Variants in DLG2 observed in about 807,000 individuals in gnomAD.
The protein encoded by DLG2 is disks large homolog 2.
DLG2 carries 45 observed loss-of-function variants against 132.5 expected under a neutral mutation model. The observed-to-expected ratio is 0.34, with a 90% CI of 0.27 to 0.44. DLG2 has a LOEUF of 0.44. Among genes scored for constraint, DLG2 ranks in the 20% least tolerant of loss-of-function variants. The pLI is 1.00. For synonymous variants in DLG2, 424 were observed against 419.6 expected, an observed-to-expected ratio of 1.01 and a Z score of -0.13; for missense variants, 1,045 against 1,196.9, an observed-to-expected ratio of 0.87 and a Z score of 1.87.
chr11:85,438,728 T>C (rs1035394535), intron 3 of DLG2, among the ~76,000 whole-genome samples: 1 of 152,172 alleles, frequency 6.6e-6, no homozygotes, highest in Non-Finnish European at 1.5e-5. Flanking sequence ...TTTTGTTCTA[T>C]ACAATTTTAT....
intron 14 of DLG2, among the ~76,000 whole-genome samples, chr11:83,936,823 C>G (rs957552559): frequency 2.0e-5 from 3 of 152,100 alleles, no homozygotes; most frequent in Admixed American, 1.3e-4. Context: ...GTGATTGTAA[C>G]AAAAGGGAGA....
chr11:84,871,811 C>T (rs1302790494), intron 6 of DLG2, among the ~76,000 whole-genome samples: 1 of 152,044 alleles, frequency 6.6e-6, no homozygotes, highest in Non-Finnish European at 1.5e-5. Context: ...CAACTTCCGC[C>T]TTGTGGGTTC....
chr11:84,748,891 T>A (rs181468319), intron 6 of DLG2, among the ~76,000 whole-genome samples: 2 of 152,318 alleles, frequency 1.3e-5, no homozygotes, highest in Admixed American at 1.3e-4. Flanking sequence ...AGACAGAGGC[T>A]GGGTGTTATG....
At position 85,134,057 on chromosome 11, in the gene DLG2, A is replaced by G. The variant is rs1241582855; in HGVS notation, c.282+20499T>C. Reference sequence around the variant, plus strand: ...GAGTGAGGGAGAGTGAGGGAGAGTGAGAGAGAGTGAATGACAGAATGGAAA... The same window carrying G: ...GAGTGAGGGAGAGTGAGGGAGAGTGGGAGAGAGTGAATGACAGAATGGAAA... On this transcript the variant is annotated intron_variant, in intron 5 of 27. Coordinates refer to ENST00000376104, the MANE Select transcript of DLG2 (RefSeq NM_001142699.3). Among the ~76,000 whole-genome samples the G allele has an allele frequency of 2.0e-5, 3 of 152,184 alleles. No individual in the cohort carries two copies. In the East Asian group the frequency reaches 5.8e-4, roughly 29 times the overall value.
intron 2 of DLG2, among the ~76,000 whole-genome samples, chr11:85,605,458 T>C (rs2080462857): frequency 6.6e-6 from 1 of 152,222 alleles, no homozygotes; most frequent in Admixed American, 6.5e-5. Flanking sequence ...TTTGTATTTG[T>C]AACATATAAA....
chr11:85,420,165 A>T (rs1378668925), intron 3 of DLG2, among the ~76,000 whole-genome samples: 5 of 151,852 alleles, frequency 3.3e-5, no homozygotes, highest in African/African-American at 9.7e-5. Flanking sequence ...TCTGTTTTTT[A>T]GTTTTCCTTC....
intron 19 of DLG2, among the ~76,000 whole-genome samples, chr11:83,558,414 G>C (rs2142562458): frequency 1.3e-5 from 2 of 152,154 alleles, no homozygotes; most frequent in Non-Finnish European, 2.9e-5. Context: ...AGGCAAAGAT[G>C]CCTTAGTCTA....
chr11:84,726,706 T>A (rs961260668), intron 6 of DLG2, among the ~76,000 whole-genome samples: 2 of 152,194 alleles, frequency 1.3e-5, no homozygotes, highest in Non-Finnish European at 2.9e-5. Context: ...TCCACAATAG[T>A]TGAACTAATT....
intron 7 of DLG2, among the ~76,000 whole-genome samples, chr11:84,451,836 G>A (rs1171010755): frequency 6.6e-6 from 1 of 151,810 alleles, no homozygotes; most frequent in African/African-American, 2.4e-5. Context: ...GTTGGGAATG[G>A]TTAAATTTTT....
chr11:84,356,998 T>C (rs1279018389), intron 7 of DLG2, among the ~76,000 whole-genome samples: 1 of 151,910 alleles, frequency 6.6e-6, no homozygotes, highest in Non-Finnish European at 1.5e-5. Flanking sequence ...GTAAGAGAGT[T>C]GCACGATGAG....
At chr11:85,261,413 A>G (rs953835912) in intron 4 of DLG2, among the ~76,000 whole-genome samples, 5 of 152,046 alleles carry the variant, frequency 3.3e-5, no homozygotes, top group Admixed American at 2.6e-4. Context: ...TAGAACAACA[A>G]TGACAAGTCT....
chr11:85,275,374 A>G (rs1315728850), intron 4 of DLG2, among the ~76,000 whole-genome samples: 1 of 152,160 alleles, frequency 6.6e-6, no homozygotes. Context: ...CTTAAATGAC[A>G]AAGGATTATT....
intron 17 of DLG2, among the ~76,000 whole-genome samples, chr11:83,804,605 C>G (rs1482493879): frequency 6.6e-6 from 1 of 151,724 alleles, no homozygotes; most frequent in Non-Finnish European, 1.5e-5. Flanking sequence ...CACACACACA[C>G]ACAGACACAC....
intron 5 of DLG2, chr11:85,132,786 C>T (rs1346552194): frequency 4.4e-6 from 2 of 456,638 alleles, no homozygotes; most frequent in South Asian, 1.5e-5. Context: ...TGACAATGCA[C>T]AGGCAATCCA....
In DLG2 at chr11:84,202,295, G is replaced by C. The variant is rs992635464; in HGVS notation, c.574-38784C>G. On this transcript the variant is annotated intron_variant, in intron 8 of 27. Transcript: ENST00000376104. ...ACATAGACCAATGGAACAGCATAGA[G>C]AATCCAGAGATGAGATTTCACACCT... 2.0e-5 allele frequency among the ~76,000 whole-genome samples: 3 copies of C among 152,078 alleles called. 1 individual carries two copies. The South Asian group carries it at 6.2e-4, about 31-fold the overall frequency.
intron 6 of DLG2, among the ~76,000 whole-genome samples, chr11:84,677,532 C>A (rs2099716258): frequency 6.6e-6 from 1 of 152,022 alleles, no homozygotes; most frequent in South Asian, 2.1e-4. Context: ...TAGCCCTGCA[C>A]AGAATCATTC....
Position 84,241,313 on chromosome 11 carries a change from G to T in DLG2, c.573+9925C>A, listed in dbSNP as rs114968813. Among the ~76,000 whole-genome samples the T allele has an allele frequency of 2.2e-3, 330 of 152,276 alleles. 1 individual carries two copies. Among genetic ancestry groups the T allele is most frequent in the African/African-American group, 7.5e-3 (312 of 41,570 alleles). On this transcript the variant is annotated intron_variant, in intron 8 of 27. Coordinates refer to ENST00000376104, the MANE Select transcript of DLG2 (RefSeq NM_001142699.3). Reference sequence around the variant, plus strand: ...ATGAAGTTTACATTCTAGAGAGAAAGATCAACTATTAATGAAATAGCTGCA... The same window carrying T: ...ATGAAGTTTACATTCTAGAGAGAAATATCAACTATTAATGAAATAGCTGCA...
At chr11:83,858,452 C>T (rs934980162) in intron 16 of DLG2, among the ~76,000 whole-genome samples, 4 of 152,194 alleles carry the variant, frequency 2.6e-5, no homozygotes, top group African/African-American at 7.2e-5. Flanking sequence ...AGTTCACTCT[C>T]ATTATCCTCC....
At chr11:84,093,957 T>A (rs906074266) in intron 10 of DLG2, among the ~76,000 whole-genome samples, 50 of 151,966 alleles carry the variant, frequency 3.3e-4, no homozygotes, top group Middle Eastern at 3.4e-3. Context: ...TGGGTCTTTT[T>A]TTTTTTATTT....
Sources: gnomAD v4.1 joint callset for allele counts (sites outside exome capture counted in the v4.1 genomes callset) on GRCh38, gnomAD v4.1.1 for gene constraint, MANE v1.5 for transcripts, NCBI Gene and HGNC (gene_info 2026-07-23, HGNC 2026-07-21) for gene names.